IMMP2L: variants seen among roughly 807,000 people sequenced by gnomAD.
IMMP2L encodes mitochondrial inner membrane protease subunit 2.
A neutral mutation model predicts 19.3 loss-of-function variants in IMMP2L; 18 were observed. That is an observed-to-expected ratio of 0.93 (90% confidence interval 0.64 to 1.38). IMMP2L has a LOEUF of 1.38. Ranked by LOEUF, IMMP2L falls within the 40% of genes most tolerant of loss-of-function variation. IMMP2L has a pLI of 0.00. For synonymous variants in IMMP2L, 76 were observed against 73.0 expected (o/e 1.04, Z -0.21); for missense variants, 233 against 218.2 (o/e 1.07, Z -0.43).
At chr7:111,036,767 A>G (rs1791398344) in intron 3 of IMMP2L, among the ~76,000 whole-genome samples, 1 of 152,160 alleles carries the variant, frequency 6.6e-6, no homozygotes, top group South Asian at 2.1e-4. Context: ...CAAACCAGAT[A>G]ACTTTATAGT....
intron 5 of IMMP2L, among the ~76,000 whole-genome samples, chr7:110,702,966 G>A (rs2130650323): frequency 6.6e-6 from 1 of 152,170 alleles, no homozygotes; most frequent in Middle Eastern, 3.4e-3. Context: ...AGATCAGATA[G>A]CTTTACCTGG....
intron 3 of IMMP2L, among the ~76,000 whole-genome samples, chr7:111,196,464 TCA>T (rs1809516116): frequency 6.6e-6 from 1 of 152,164 alleles, no homozygotes; most frequent in Admixed American, 6.5e-5. Context: ...CATCTTACAA[TCA>T]TTGTAAATTA....
chr7:111,528,271 T>C (rs1317332737), intron 1 of IMMP2L, among the ~76,000 whole-genome samples: 2 of 152,146 alleles, frequency 1.3e-5, no homozygotes, highest in Admixed American at 1.3e-4. Context: ...CGACTTCCTC[T>C]GGGAAAATTT....
rs969341092 is a variant in IMMP2L, at chr7:111,155,802, G to A, written c.240-192237C>T. Among the ~76,000 whole-genome samples the A allele has an allele frequency of 6.6e-5, 10 of 152,044 alleles. No homozygotes were observed. In the East Asian group the frequency reaches 1.4e-3, roughly 21 times the overall value. On this transcript the variant is annotated intron_variant, in intron 3 of 5. Coordinates refer to ENST00000405709, the MANE Select transcript of IMMP2L (RefSeq NM_032549.4). ...GTGTAAAAATTTTAGGCATAGCTTC[G>A]ATGTATTTTCATGAAATGAACTCAT... is the stretch of plus-strand genomic sequence containing the variant.
chr7:110,691,516 AAAC>A (rs1405006395), intron 5 of IMMP2L, among the ~76,000 whole-genome samples: 1 of 152,184 alleles, frequency 6.6e-6, no homozygotes, highest in African/African-American at 2.4e-5. Flanking sequence ...TCATTAGACT[AAAC>A]AGACAAACCA....
At chr7:110,834,087 C>T (rs1804211524) in intron 5 of IMMP2L, among the ~76,000 whole-genome samples, 1 of 152,122 alleles carries the variant, frequency 6.6e-6, no homozygotes, top group Non-Finnish European at 1.5e-5. Flanking sequence ...CGTCTTTCTC[C>T]TTATAATTTC....
At chr7:111,495,015 C>T (rs1430377817) in intron 2 of IMMP2L, among the ~76,000 whole-genome samples, 2 of 151,944 alleles carry the variant, frequency 1.3e-5, no homozygotes, top group African/African-American at 4.8e-5. Flanking sequence ...CTTAATTGTT[C>T]TGCCTCTATA....
At chr7:111,197,303 A>C (rs1203259465) in intron 3 of IMMP2L, among the ~76,000 whole-genome samples, 3 of 152,116 alleles carry the variant, frequency 2.0e-5, no homozygotes, top group Admixed American at 2.0e-4. Context: ...CTCTACTAAA[A>C]ATACAAAAAA....
intron 4 of IMMP2L, among the ~76,000 whole-genome samples, chr7:110,918,032 C>T (rs1813818934): frequency 6.6e-6 from 1 of 152,096 alleles, no homozygotes; most frequent in African/African-American, 2.4e-5. Flanking sequence ...TTCAATCATC[C>T]ACTTTACCAC....
At chr7:111,228,509 T>C (rs1343432846) in intron 3 of IMMP2L, among the ~76,000 whole-genome samples, 3 of 151,438 alleles carry the variant, frequency 2.0e-5, no homozygotes, top group Admixed American at 2.0e-4. Flanking sequence ...AGCTTCCTGA[T>C]GGTCCTTGAG....
intron 5 of IMMP2L, among the ~76,000 whole-genome samples, chr7:110,731,066 A>G (rs1246689262): frequency 1.3e-5 from 2 of 152,216 alleles, no homozygotes; most frequent in African/African-American, 4.8e-5. Context: ...TTTAAAACAC[A>G]ATATCCAATC....
chr7:110,721,233 C>G (rs886811341), intron 5 of IMMP2L, among the ~76,000 whole-genome samples: 1 of 151,976 alleles, frequency 6.6e-6, no homozygotes, highest in Non-Finnish European at 1.5e-5. Context: ...GTGTAAGACT[C>G]TGGGAAACTT....
intron 3 of IMMP2L, among the ~76,000 whole-genome samples, chr7:111,079,122 CTT>C (rs1169407875): frequency 3.5e-5 from 5 of 144,732 alleles, no homozygotes; most frequent in Admixed American, 1.4e-4. Flanking sequence ...TAATTTTTTT[CTT>C]TTTTTTTTTT....
chr7:111,353,576 CCTA>C (rs1461705901), intron 3 of IMMP2L, among the ~76,000 whole-genome samples: 3 of 152,036 alleles, frequency 2.0e-5, no homozygotes, highest in Non-Finnish European at 4.4e-5. Flanking sequence ...GTTTCAGGAG[CCTA>C]CTTAGAACTC....
chr7:110,982,509 G>A (rs1271360328), intron 3 of IMMP2L, among the ~76,000 whole-genome samples: 1 of 152,002 alleles, frequency 6.6e-6, no homozygotes, highest in African/African-American at 2.4e-5. Flanking sequence ...TATTGAATAG[G>A]CATGAAGACC....
At chr7:111,397,915 T>G (rs1456276783) in intron 3 of IMMP2L, among the ~76,000 whole-genome samples, 1 of 152,144 alleles carries the variant, frequency 6.6e-6, no homozygotes, top group Non-Finnish European at 1.5e-5. Flanking sequence ...CCCTTTGGTT[T>G]TATATCGAGG....
chr7:111,392,890 C>T, intron 3 of IMMP2L: 1 of 455,106 alleles, frequency 2.2e-6, no homozygotes, highest in Non-Finnish European at 4.4e-6. Flanking sequence ...AGCATAGTAG[C>T]TTTTGTCCCC....
At chr7:110,789,212 G>A (rs1389888871) in intron 5 of IMMP2L, among the ~76,000 whole-genome samples, 2 of 151,756 alleles carry the variant, frequency 1.3e-5, no homozygotes, top group Non-Finnish European at 2.9e-5. Flanking sequence ...AGATATTGTC[G>A]AATAGAGGGA....
intron 3 of IMMP2L, among the ~76,000 whole-genome samples, chr7:110,979,075 G>C (rs746565825): frequency 1.1e-4 from 17 of 152,078 alleles, no homozygotes; most frequent in Non-Finnish European, 2.1e-4. Flanking sequence ...ATTACAGTTA[G>C]AGATGATCAT....
Sources: gnomAD v4.1 joint callset for allele counts (sites outside exome capture counted in the v4.1 genomes callset) on GRCh38, gnomAD v4.1.1 for gene constraint, MANE v1.5 for transcripts, NCBI Gene and HGNC (gene_info 2026-07-23, HGNC 2026-07-21) for gene names.